NRG3: variants seen among roughly 807,000 people sequenced by gnomAD.
NRG3 encodes pro-neuregulin-3, membrane-bound isoform.
In NRG3, 31 loss-of-function variants were observed where a neutral mutation model predicts 66.9. The ratio of observed to expected loss-of-function variants is 0.46; its 90% CI spans 0.35 to 0.63. The LOEUF is 0.63. NRG3 is among the 20% of genes least tolerant of loss of function. The probability of loss-of-function intolerance (pLI) is 0.00; values close to 1 mark genes in which losing one functional copy is unlikely to be tolerated. For synonymous variants in NRG3, 393 were observed against 359.4 expected (o/e 1.09, Z -1.06); for missense variants, 910 against 878.9 (o/e 1.04, Z -0.45).
chr10:82,976,320 T>A (rs985611224), intron 7 of NRG3, among the ~76,000 whole-genome samples: 2 of 152,204 alleles, frequency 1.3e-5, no homozygotes, highest in African/African-American at 4.8e-5. Flanking sequence ...CCTCCGAAAG[T>A]GCTGGGATTA....
At chr10:82,942,963 A>G (rs1848697875) in intron 4 of NRG3, among the ~76,000 whole-genome samples, 1 of 152,174 alleles carries the variant, frequency 6.6e-6, no homozygotes, top group Non-Finnish European at 1.5e-5. Context: ...ACAAGTTAAA[A>G]AAAATGAGTT....
rs146804476 is a variant in NRG3 at position 82,167,057 on chromosome 10, T to C, written c.824-191682T>C. 1.3e-3 allele frequency among the ~76,000 whole-genome samples: 191 copies of C among 152,172 alleles called. 2 individuals carry two copies. Among genetic ancestry groups the C allele is most frequent in the Non-Finnish European group, 2.1e-3 (146 of 67,984 alleles). On this transcript the variant is annotated intron_variant, in intron 1 of 8. Coordinates refer to ENST00000372141, the MANE Select transcript of NRG3 (RefSeq NM_001010848.4). Reference sequence around the variant, plus strand: ...CTTTTTATCACAGATTTTTAAAAATTTGATTATGATGCACCTTTATATAGT... The same window carrying C: ...CTTTTTATCACAGATTTTTAAAAATCTGATTATGATGCACCTTTATATAGT...
intron 1 of NRG3, among the ~76,000 whole-genome samples, chr10:82,276,148 A>G (rs2078836916): frequency 6.6e-6 from 1 of 152,002 alleles, no homozygotes; most frequent in African/African-American, 2.4e-5. Flanking sequence ...ATGGCTAAAT[A>G]TTATTTGAAC....
chr10:82,232,847 G>C, intron 1 of NRG3: 1 of 717,214 alleles, frequency 1.4e-6, no homozygotes, highest in Non-Finnish European at 2.6e-6. Flanking sequence ...GCCTTTGTTG[G>C]GGTTTCTGAG....
intron 3 of NRG3, among the ~76,000 whole-genome samples, chr10:82,858,367 G>C (rs144546774): frequency 6.6e-6 from 1 of 151,966 alleles, no homozygotes; most frequent in Non-Finnish European, 1.5e-5. Flanking sequence ...AATAAACTGG[G>C]ACATGCAGGG....
chr10:82,643,902 ACC>A (rs1247532514), intron 2 of NRG3, among the ~76,000 whole-genome samples: 93 of 20,828 alleles, frequency 4.5e-3, no homozygotes, highest in African/African-American at 0.02. Context: ...ACACACACAC[ACC>A]CACACACACA....
chr10:82,738,751 T>C (rs2058276171), intron 3 of NRG3, 101 bp downstream of exon 3: 2 of 1,034,000 alleles, frequency 1.9e-6, no homozygotes, highest in African/African-American at 3.2e-5. Context: ...CAGTCTTGTG[T>C]CTCTGAAAGC....
rs745834169 is a variant in NRG3 at position 81,963,151 on chromosome 10, T to TTTTTTTTG, written c.823+86988_823+86989insTTTTTTTG. Among the ~76,000 whole-genome samples, 38 of 135,492 alleles carry TTTTTTTTG rather than the reference T, an allele frequency of 2.8e-4. 1 individual carries two copies. Among genetic ancestry groups the TTTTTTTTG allele is most frequent in the African/African-American group, 9.2e-4 (33 of 35,906 alleles). The allele number at this position is 135,492 out of a possible 152,430, so 88.9% of individuals were successfully genotyped here. On this transcript the variant is annotated intron_variant, in intron 1 of 8. Coordinates refer to ENST00000372141, the MANE Select transcript of NRG3 (RefSeq NM_001010848.4). ...TTTTTTTTTTTTTTTTTTTTTTTTT[T>TTTTTTTTG]GAGACGGAGTCTCGCTCTGTCGCCC...
At chr10:82,754,435 T>G (rs2058996401) in intron 3 of NRG3, among the ~76,000 whole-genome samples, 1 of 151,846 alleles carries the variant, frequency 6.6e-6, no homozygotes, top group Non-Finnish European at 1.5e-5. Flanking sequence ...AGGAGTTGAT[T>G]GTTACACTTA....
chr10:82,410,081 G>C (rs983834883), intron 2 of NRG3, among the ~76,000 whole-genome samples: 4 of 152,002 alleles, frequency 2.6e-5, no homozygotes, highest in African/African-American at 7.2e-5. Flanking sequence ...AAAGCAGTTA[G>C]TCTACCCAGG....
chr10:81,931,297 A>C (rs1847325577), intron 1 of NRG3, among the ~76,000 whole-genome samples: 1 of 152,200 alleles, frequency 6.6e-6, no homozygotes, highest in Non-Finnish European at 1.5e-5. Flanking sequence ...CCAAGGGATC[A>C]TGAATATCAA....
chr10:82,410,505 C>A (rs868770295), intron 2 of NRG3, among the ~76,000 whole-genome samples: 1 of 148,586 alleles, frequency 6.7e-6, no homozygotes. Context: ...ACACAGAAAC[C>A]ACAGAGACAG....
At chr10:81,935,597 CTG>C (rs1474659528) in intron 1 of NRG3, among the ~76,000 whole-genome samples, 1 of 152,078 alleles carries the variant, frequency 6.6e-6, no homozygotes, top group East Asian at 1.9e-4. Context: ...AACAAAGAAA[CTG>C]TGGATAACAT....
intron 1 of NRG3, among the ~76,000 whole-genome samples, chr10:81,879,051 G>T (rs1841948342): frequency 6.6e-6 from 1 of 152,180 alleles, no homozygotes; most frequent in Admixed American, 6.5e-5. Flanking sequence ...AAGAAGGATT[G>T]AACTTTAAAG....
chr10:82,448,877 A>T (rs565056405), intron 2 of NRG3, among the ~76,000 whole-genome samples: 1 of 152,266 alleles, frequency 6.6e-6, no homozygotes, highest in South Asian at 2.1e-4. Context: ...TCCCATTTGT[A>T]CCCTCAAAGT....
intron 1 of NRG3, among the ~76,000 whole-genome samples, chr10:82,290,216 G>A (rs535031098): frequency 6.6e-6 from 1 of 152,182 alleles, no homozygotes; most frequent in Admixed American, 6.5e-5. Context: ...CTCATAAGTC[G>A]TTATTGGTCA....
At chr10:81,878,921 T>G (rs1455381137) in intron 1 of NRG3, among the ~76,000 whole-genome samples, 2 of 152,168 alleles carry the variant, frequency 1.3e-5, no homozygotes, top group Non-Finnish European at 2.9e-5. Flanking sequence ...AAGAGGCTGG[T>G]TCACTGACAA....
At chr10:82,117,064 A>G (rs1380991470) in intron 1 of NRG3, among the ~76,000 whole-genome samples, 1 of 152,012 alleles carries the variant, frequency 6.6e-6, no homozygotes, top group Non-Finnish European at 1.5e-5. Context: ...TCTGTCTGGG[A>G]TTCCTTTCCA....
chr10:82,512,425 A>G (rs887278165), intron 2 of NRG3, among the ~76,000 whole-genome samples: 12 of 152,062 alleles, frequency 7.9e-5, no homozygotes, highest in African/African-American at 2.9e-4. Context: ...AGCTGAGATT[A>G]TAGGCATATG....
Sources: gnomAD v4.1 joint callset for allele counts (sites outside exome capture counted in the v4.1 genomes callset) on GRCh38, gnomAD v4.1.1 for gene constraint, MANE v1.5 for transcripts, NCBI Gene and HGNC (gene_info 2026-07-23, HGNC 2026-07-21) for gene names.